NCAM1: variants seen among roughly 807,000 people sequenced by gnomAD.
NCAM1 encodes antigen recognized by monoclonal antibody 5.1H11.
In NCAM1, 14 loss-of-function variants were observed where a neutral mutation model predicts 109.8. The ratio of observed to expected loss-of-function variants is 0.13; its 90% CI spans 0.08 to 0.20. The LOEUF is 0.20. NCAM1 is among the 10% of genes least tolerant of loss of function. NCAM1 has a pLI of 1.00. For missense variants in NCAM1, 774 were observed against 1,109.9 expected, an observed-to-expected ratio of 0.70 and a Z score of 4.30; for synonymous variants, 418 against 442.9, an observed-to-expected ratio of 0.94 and a Z score of 0.70.
chr11:113,236,284 A>G, intron 14 of NCAM1: 1 of 1,611,918 alleles, frequency 6.2e-7, no homozygotes, highest in Admixed American at 1.7e-5. Flanking sequence ...TCTGTGTTCC[A>G]TCCATGGGAA....
chr11:113,054,412 G>A (rs1953616835), intron 1 of NCAM1, among the ~76,000 whole-genome samples: 1 of 152,140 alleles, frequency 6.6e-6, no homozygotes, highest in Non-Finnish European at 1.5e-5. Context: ...TGAGGCATTA[G>A]CCACCCTCTT....
chr11:113,107,080 A>C lies in NCAM1; in HGVS notation c.53-95299A>C, dbSNP rs75335922. Reference sequence around the variant, plus strand: ...GAAGATGAGGATTAAGAATAGGATTACATCTTGAAAAGAGACTGGATGGCT... The same window carrying C: ...GAAGATGAGGATTAAGAATAGGATTCCATCTTGAAAAGAGACTGGATGGCT... On this transcript the variant is annotated intron_variant, in intron 1 of 19. Transcript: ENST00000316851. Among the ~76,000 whole-genome samples the C allele has an allele frequency of 4.9e-3, 751 of 152,392 alleles. 6 individuals carry two copies. Among genetic ancestry groups the C allele is most frequent in the African/African-American group, 0.017 (694 of 41,600 alleles).
At position 113,120,294 on chromosome 11, in the gene NCAM1, T is replaced by G. The variant is rs567748494; in HGVS notation, c.53-82085T>G. On this transcript the variant is annotated intron_variant, in intron 1 of 19. Transcript: ENST00000316851. Reference sequence around the variant, plus strand: ...GGGCTGACATTATCCAAGGGTAGTGTTAAAAGTGAACTCATTTTGCAAAGT... The same window carrying G: ...GGGCTGACATTATCCAAGGGTAGTGGTAAAAGTGAACTCATTTTGCAAAGT... 1.2e-4 allele frequency among the ~76,000 whole-genome samples: 19 copies of G among 152,354 alleles called. 2 individuals carry two copies. The South Asian group carries it at 3.3e-3, about 27-fold the overall frequency.
chr11:113,254,865 T>C (rs1555122025), intron 15 of NCAM1, among the ~76,000 whole-genome samples: 2 of 152,190 alleles, frequency 1.3e-5, no homozygotes, highest in Non-Finnish European at 2.9e-5. Context: ...GTGTGTTAAA[T>C]CTTAATTTTA....
At chr11:113,248,173 G>A (rs186308904) in intron 15 of NCAM1, among the ~76,000 whole-genome samples, 10 of 149,778 alleles carry the variant, frequency 6.7e-5, no homozygotes, top group Non-Finnish European at 8.9e-5. Flanking sequence ...TGCAGTTGCC[G>A]TAGAAACACT....
intron 17 of NCAM1, among the ~76,000 whole-genome samples, chr11:113,266,985 TCTGGCCTCTG>T (rs1946143950): frequency 1.3e-5 from 2 of 152,150 alleles, no homozygotes; most frequent in African/African-American, 2.4e-5. Flanking sequence ...CAAGGGGTCT[TCTGGCCTCTG>T]CTCGAGTGCC....
intron 1 of NCAM1, among the ~76,000 whole-genome samples, chr11:113,179,055 C>T (rs191917889): frequency 1.3e-5 from 2 of 152,232 alleles, no homozygotes; most frequent in African/African-American, 4.8e-5. Flanking sequence ...TTTGGTAATA[C>T]CATGTTGGTA....
intron 1 of NCAM1, among the ~76,000 whole-genome samples, chr11:113,066,202 A>G (rs1937948173): frequency 6.6e-6 from 1 of 151,458 alleles, no homozygotes; most frequent in Non-Finnish European, 1.5e-5. Context: ...ACTTTAGAAT[A>G]TGGACAGTTC....
intron 14 of NCAM1, chr11:113,242,902 C>T: frequency 1.2e-6 from 2 of 1,612,772 alleles, no homozygotes; most frequent in South Asian, 2.2e-5. Context: ...GTTGTAGAGC[C>T]GACTTCTAGA....
chr11:112,980,458 G>A (rs1555068560), intron 1 of NCAM1, among the ~76,000 whole-genome samples: 1 of 151,622 alleles, frequency 6.6e-6, no homozygotes, highest in African/African-American at 2.4e-5. Context: ...CAAAAAATGT[G>A]GTATATTTAT....
At chr11:113,150,127 A>G (rs748340620) in intron 1 of NCAM1, among the ~76,000 whole-genome samples, 1 of 152,268 alleles carries the variant, frequency 6.6e-6, no homozygotes. Context: ...AAAAAAATAA[A>G]TAAACATTTC....
chr11:113,239,285 A>G (rs1437728469), intron 14 of NCAM1, among the ~76,000 whole-genome samples: 1 of 152,164 alleles, frequency 6.6e-6, no homozygotes, highest in Non-Finnish European at 1.5e-5. Context: ...CATGCCATCA[A>G]GACACTCAGG....
intron 1 of NCAM1, among the ~76,000 whole-genome samples, chr11:113,196,337 T>C (rs1247466992): frequency 6.6e-6 from 1 of 152,228 alleles, no homozygotes; most frequent in Non-Finnish European, 1.5e-5. Flanking sequence ...CAGTCTTTTA[T>C]ATCTGAGATG....
intron 1 of NCAM1, among the ~76,000 whole-genome samples, chr11:113,185,028 T>C (rs1311561359): frequency 6.7e-6 from 1 of 148,316 alleles, no homozygotes; most frequent in Non-Finnish European, 1.5e-5. Flanking sequence ...TGTGTGTGTA[T>C]ATATACATTA....
chr11:113,262,848 AC>A (rs782239117), intron 17 of NCAM1: 1 of 1,613,566 alleles, frequency 6.2e-7, no homozygotes, highest in Admixed American at 1.7e-5. Flanking sequence ...ACCTGCAGCA[AC>A]CTTGGGAGGC....
At chr11:113,098,885 A>G (rs1380648509) in intron 1 of NCAM1, among the ~76,000 whole-genome samples, 1 of 152,212 alleles carries the variant, frequency 6.6e-6, no homozygotes, top group Non-Finnish European at 1.5e-5. Context: ...ATGGCATAGG[A>G]GTTAGGACTG....
rs782217013 is a variant in NCAM1 at position 113,040,639 on chromosome 11, T to C, written c.52+78975T>C. ...TCTCTCATAGAAATCAAAATAACTT[T>C]GGTTTGGAATTGTTTGTATTTTTAA... On this transcript the variant is annotated intron_variant, in intron 1 of 19. Transcript: ENST00000316851. Among the ~76,000 whole-genome samples the C allele has an allele frequency of 8.7e-4, 132 of 152,224 alleles. 2 individuals are homozygous for C. The highest frequency in any genetic ancestry group is 7.3e-4 in the Non-Finnish European group (50 of 68,044).
chr11:113,065,465 G>A (rs1937906370), intron 1 of NCAM1, among the ~76,000 whole-genome samples: 1 of 152,134 alleles, frequency 6.6e-6, no homozygotes, highest in African/African-American at 2.4e-5. Flanking sequence ...CTGGTAAATA[G>A]TACCCAAGCC....
intron 1 of NCAM1, among the ~76,000 whole-genome samples, chr11:113,031,371 C>T (rs879972268): frequency 3.3e-5 from 5 of 152,058 alleles, no homozygotes; most frequent in Admixed American, 2.0e-4. Flanking sequence ...GTCAAAAGCA[C>T]AAAAATGTGA....
Sources: gnomAD v4.1 joint callset for allele counts (sites outside exome capture counted in the v4.1 genomes callset) on GRCh38, gnomAD v4.1.1 for gene constraint, MANE v1.5 for transcripts, NCBI Gene and HGNC (gene_info 2026-07-23, HGNC 2026-07-21) for gene names.